Variants in RBBP8 observed in about 807,000 individuals in gnomAD.
RBBP8 encodes the protein DNA endonuclease RBBP8.
Under a neutral mutation model 108.3 loss-of-function variants are expected in RBBP8, and 88 were observed. The ratio of observed to expected loss-of-function variants is 0.81; its 90% CI spans 0.68 to 0.97. The LOEUF is 0.97. RBBP8 is among the 50% of genes least tolerant of loss of function. The pLI, the probability that RBBP8 is intolerant of heterozygous loss-of-function variation, is 0.00. For missense variants in RBBP8, 1,023 were observed against 1,049.0 expected, an observed-to-expected ratio of 0.98 and a Z score of 0.34; for synonymous variants, 332 against 348.2, an observed-to-expected ratio of 0.95 and a Z score of 0.52.
intron 2 of RBBP8, among the ~76,000 whole-genome samples, chr18:22,944,866 A>G (rs558812799): frequency 2.6e-5 from 4 of 152,314 alleles, no homozygotes; most frequent in East Asian, 1.9e-4. Flanking sequence ...TTTAGTGTCT[A>G]TGTGACCATG....
chr18:22,929,977 G>A (rs937607870), upstream of RBBP8, among the ~76,000 whole-genome samples: 7 of 152,118 alleles, frequency 4.6e-5, no homozygotes, highest in African/African-American at 9.7e-5. Context: ...AACGTGATAC[G>A]TCATTTTCCC....
chr18:22,978,448 G>A (rs764373036), intron 6 of RBBP8, among the ~76,000 whole-genome samples: 10 of 151,990 alleles, frequency 6.6e-5, no homozygotes, highest in Non-Finnish European at 1.0e-4. Flanking sequence ...TATGACAAAG[G>A]AAGACAAAGC....
chr18:22,941,999 A>G (rs974757692), intron 2 of RBBP8, among the ~76,000 whole-genome samples: 14 of 152,162 alleles, frequency 9.2e-5, no homozygotes, highest in African/African-American at 3.4e-4. Flanking sequence ...TATGTTCCAC[A>G]TAGTTCCATA....
At position 22,997,661 on chromosome 18, in the gene RBBP8, G is replaced by C; in HGVS notation, c.2070G>C (p.Met690Ile). 1.9e-6 allele frequency: 3 copies of C among 1,610,564 alleles called. No individual in the cohort carries two copies. Among genetic ancestry groups the C allele is most frequent in the Non-Finnish European group, 2.5e-6 (3 of 1,177,886 alleles). Residue 690 changes from methionine to isoleucine, a missense_variant, in exon 14 of 19, where the codon ATG becomes ATC. Transcript: ENST00000327155. ...AATTAGGAGGAGAGACAGTGGACAT[G>C]GACTGTACATTGGTTAGTGAAACCG... Reference protein sequence around the residue: ...QSKLGGETVDMDCTLVSETVL... With the variant: ...QSKLGGETVDIDCTLVSETVL...
intron 16 of RBBP8, among the ~76,000 whole-genome samples, chr18:23,012,072 C>T (rs1035713443): frequency 2.0e-5 from 3 of 151,872 alleles, no homozygotes; most frequent in African/African-American, 7.3e-5. Context: ...AGCGTGGTGG[C>T]ACACGCCTGT....
In RBBP8 at chr18:22,997,232, T is replaced by C. The variant is rs567299252; in HGVS notation, c.2029-388T>C. Among the ~76,000 whole-genome samples, 84 of 152,346 alleles carry C rather than the reference T, an allele frequency of 5.5e-4. 2 individuals carry two copies. Among genetic ancestry groups the C allele is most frequent in the Middle Eastern group, 3.4e-3 (1 of 294 alleles). On this transcript the variant is annotated intron_variant, in intron 13 of 18. Coordinates refer to ENST00000327155, the MANE Select transcript of RBBP8 (RefSeq NM_002894.3). ...GGTAGCATATTAATAACAAAGTATT[T>C]AACATACGCTGAGTAATATATGCCT... is the stretch of plus-strand genomic sequence containing the variant.
Position 22,975,220 on chromosome 18 carries a change from G to GT in RBBP8, c.428+2dup. The stretch of plus-strand genomic sequence containing the variant: ...CTGAACAACTCCAGCAGAAAATTGA[G>GT]TAAGTATTTTCCTCCAACCTTGTTA... On this transcript the variant is annotated splice_donor_variant, in intron 6 of 18. Coordinates refer to ENST00000327155, the MANE Select transcript of RBBP8 (RefSeq NM_002894.3). LOFTEE classifies it high-confidence loss of function. The GT allele has an allele frequency of 6.2e-7, 1 of 1,612,380 alleles. No individual in the cohort carries two copies. The highest frequency in any genetic ancestry group is 8.5e-7 in the Non-Finnish European group (1 of 1,179,060).
At chr18:22,959,195 G>A (rs900852804) in intron 4 of RBBP8, among the ~76,000 whole-genome samples, 2 of 152,110 alleles carry the variant, frequency 1.3e-5, no homozygotes, top group African/African-American at 2.4e-5. Flanking sequence ...TTGCATTCTC[G>A]AAAATATTTT....
At position 23,020,285 on chromosome 18, in the gene RBBP8, G is replaced by A. The variant is rs1031142966; in HGVS notation, c.2455-1844G>A. Among the ~76,000 whole-genome samples the A allele has an allele frequency of 1.9e-4, 29 of 152,004 alleles. No homozygotes were observed. In the South Asian group the frequency reaches 4.0e-3, roughly 21 times the overall value. ...ATAATACAAATATTAGCTGAGCGTGGTGGTGCATGCCTGTTATCCCAGCTA... is the reference window on the plus strand; with the variant it reads ...ATAATACAAATATTAGCTGAGCGTGATGGTGCATGCCTGTTATCCCAGCTA... On this transcript the variant is annotated intron_variant, in intron 17 of 18. Coordinates refer to ENST00000327155, the MANE Select transcript of RBBP8 (RefSeq NM_002894.3).
At chr18:22,988,192 G>A (rs1247426133) in intron 8 of RBBP8, among the ~76,000 whole-genome samples, 1 of 152,172 alleles carries the variant, frequency 6.6e-6, no homozygotes, top group Non-Finnish European at 1.5e-5. Flanking sequence ...TTGCCTATTA[G>A]TGATTGCTTC....
At chr18:22,973,710 C>G (rs946936540) in intron 5 of RBBP8, among the ~76,000 whole-genome samples, 1 of 152,158 alleles carries the variant, frequency 6.6e-6, no homozygotes, top group African/African-American at 2.4e-5. Context: ...TGAAAACTTT[C>G]TACCGTTTAT....
At chr18:22,996,052 T>C (rs1046010249) in intron 12 of RBBP8, among the ~76,000 whole-genome samples, 3 of 152,228 alleles carry the variant, frequency 2.0e-5, no homozygotes, top group Admixed American at 6.5e-5. Context: ...GCACTTGTTA[T>C]AGCTTTTTGA....
intron 6 of RBBP8, among the ~76,000 whole-genome samples, chr18:22,979,891 G>A (rs76829964): frequency 0.023 from 3,458 of 152,170 alleles, 137 homozygotes; most frequent in African/African-American, 0.079. Context: ...GTGATTCATC[G>A]GTTAACCAAA....
chr18:22,940,247 T>G (rs1171265462), intron 2 of RBBP8, among the ~76,000 whole-genome samples: 2 of 152,012 alleles, frequency 1.3e-5, no homozygotes, highest in African/African-American at 4.8e-5. Flanking sequence ...CTTTATATAG[T>G]ATTGACATCT....
intron 17 of RBBP8, among the ~76,000 whole-genome samples, chr18:23,018,733 C>T (rs1253759466): frequency 6.6e-6 from 1 of 152,092 alleles, no homozygotes; most frequent in African/African-American, 2.4e-5. Context: ...TTTTGATCCA[C>T]GGCTGGTTGA....
chr18:22,914,186 T>C (rs1909267505), exon 1 of RBBP8: 1 of 152,170 alleles, frequency 6.6e-6, no homozygotes, highest in Non-Finnish European at 1.5e-5. Flanking sequence ...AGCAAACCAG[T>C]GTGGTCCAGA....
At chr18:22,921,568 A>T (rs1958101356) in intron 3 of RBBP8, among the ~76,000 whole-genome samples, 1 of 152,218 alleles carries the variant, frequency 6.6e-6, no homozygotes, top group Non-Finnish European at 1.5e-5. Flanking sequence ...TTATAGGACA[A>T]ATGTGGTCAA....
At chr18:22,963,053 A>C (rs991081916) in intron 4 of RBBP8, among the ~76,000 whole-genome samples, 1 of 152,214 alleles carries the variant, frequency 6.6e-6, no homozygotes, top group East Asian at 1.9e-4. Flanking sequence ...AAGAACAGAC[A>C]TTTATTCAGA....
At chr18:22,914,370 T>A (rs991641541) in intron 1 of RBBP8, 4 of 152,158 alleles carry the variant, frequency 2.6e-5, no homozygotes, top group Non-Finnish European at 5.9e-5. Flanking sequence ...TAAGAAATGA[T>A]GTTTAAAAAG....
Sources: allele counts gnomAD v4.1 joint callset (sites outside exome capture counted in the v4.1 genomes callset), GRCh38; gene constraint gnomAD v4.1.1; transcripts MANE v1.5; gene names NCBI Gene and HGNC (gene_info 2026-07-23, HGNC 2026-07-21).